HK3: variants seen among roughly 807,000 people sequenced by gnomAD.
The protein encoded by HK3 is hexokinase 3, also known as hexokinase-3.
In HK3, 93 loss-of-function variants were observed where a neutral mutation model predicts 91.0. That is an observed-to-expected ratio of 1.02 (90% CI 0.86 to 1.21). The LOEUF (loss-of-function observed/expected upper bound fraction) is 1.21. Among genes scored for constraint, HK3 ranks in the 50% most tolerant of loss-of-function variants. HK3 has a pLI of 0.00. For synonymous variants in HK3, 519 were observed against 516.9 expected (o/e 1.00, Z -0.06); for missense variants, 1,235 against 1,247.4 (o/e 0.99, Z 0.15).
intron 2 of HK3, among the ~76,000 whole-genome samples, chr5:176,894,862 T>C (rs1469993973): frequency 1.3e-5 from 2 of 151,024 alleles, no homozygotes; most frequent in South Asian, 4.3e-4. Flanking sequence ...CTGCAAGCTC[T>C]GCCTCCCGGG....
At position 176,884,709 on chromosome 5, in the gene HK3, G is replaced by A. The variant is rs935055520; in HGVS notation, c.1858-575C>T. Among the ~76,000 whole-genome samples the A allele has an allele frequency of 9.9e-5, 15 of 152,208 alleles. No individual in the cohort carries two copies. The highest frequency in any genetic ancestry group is 2.1e-4 in the South Asian group (1 of 4,822). On this transcript the variant is annotated intron_variant, in intron 13 of 18. Coordinates refer to ENST00000292432, the MANE Select transcript of HK3 (RefSeq NM_002115.3). The surrounding 1 kb of genome is among the most constrained non-coding windows in gnomAD (Gnocchi z 4.1). ...CTGAGTGCCCAGATTGTGAGAAAAGGGACTTAAACTTAGTGACACGGGGCT... is the reference window on the plus strand; with the variant it reads ...CTGAGTGCCCAGATTGTGAGAAAAGAGACTTAAACTTAGTGACACGGGGCT...
rs1462671749 is a variant in HK3 at position 176,891,204 on chromosome 5, C to A, written c.260-13G>T. 6 of 1,613,980 alleles carry A rather than the reference C, an allele frequency of 3.7e-6. No individual in the cohort carries two copies. Among genetic ancestry groups the A allele is most frequent in the Middle Eastern group, 1.6e-4 (1 of 6,084 alleles). On this transcript the variant is annotated splice_polypyrimidine_tract_variant and intron_variant, in intron 3 of 18. Transcript: ENST00000292432. The stretch of plus-strand genomic sequence containing the variant: ...AAGTCTCCTTGCTCTGGAGGGCAAG[C>A]AGGTCACAGAAAGCCATGCAGCTGG...
At chr5:176,881,883 ACCAGCCACCATCC>A (rs1006906528) in intron 16 of HK3, 36 bp from the exon 17 acceptor site, 3 of 1,611,630 alleles carry the variant, frequency 1.9e-6, no homozygotes, top group Non-Finnish European at 2.5e-6. Flanking sequence ...AGAAGGCCCC[ACCAGCCACCATCC>A]CCAGCACCGG....
intron 1 of HK3, among the ~76,000 whole-genome samples, chr5:176,898,423 T>C (rs1758959371): frequency 1.3e-5 from 2 of 152,190 alleles, no homozygotes; most frequent in Non-Finnish European, 2.9e-5. Context: ...TGTTCTATGC[T>C]GCAGGTCTAT....
chr5:176,891,963 G>C (rs1581301834), intron 2 of HK3, among the ~76,000 whole-genome samples: 1 of 152,330 alleles, frequency 6.6e-6, no homozygotes, highest in East Asian at 1.9e-4. Context: ...AACTTCAAGT[G>C]TTTCCCTCTC....
intron 2 of HK3, among the ~76,000 whole-genome samples, chr5:176,895,758 C>A (rs1338163910): frequency 6.6e-6 from 1 of 152,138 alleles, no homozygotes; most frequent in Non-Finnish European, 1.5e-5. Context: ...GGGGCGGGAG[C>A]GGCACCTGTG....
intron 1 of HK3, 90 bp from the exon 2 acceptor site, chr5:176,896,275 G>C (rs1376390443): frequency 1.7e-6 from 1 of 591,948 alleles, no homozygotes; most frequent in Non-Finnish European, 2.9e-6. Context: ...CCTTCTGAAG[G>C]GGACCAGGAA....
chr5:176,883,896 G>T, intron 14 of HK3, 27 bp from the exon 15 acceptor site: 1 of 1,609,914 alleles, frequency 6.2e-7, no homozygotes, highest in South Asian at 1.1e-5. Flanking sequence ...GCTGCTAGTT[G>T]CTGGGCAACG....
intron 10 of HK3, 84 bp downstream of exon 10, chr5:176,888,248 A>C: frequency 1.7e-6 from 2 of 1,181,188 alleles, no homozygotes; most frequent in Non-Finnish European, 2.4e-6. Context: ...TGGCTTGCAC[A>C]TGTGATCCCA....
Position 176,887,432 on chromosome 5 carries a change from A to G in HK3, c.1600+19T>C, listed in dbSNP as rs1236110861. 6.2e-7 allele frequency: 1 copy of G among 1,612,490 alleles called. No homozygotes were observed. Among genetic ancestry groups the G allele is most frequent in the Non-Finnish European group, 8.5e-7 (1 of 1,179,140 alleles). ...CCAGGAGCCCATGTTTCGGTCCCACACTCAGGCCAGGTCCTTACCGCTGCC... is the reference window on the plus strand; with the variant it reads ...CCAGGAGCCCATGTTTCGGTCCCACGCTCAGGCCAGGTCCTTACCGCTGCC... On this transcript the variant is annotated intron_variant, in intron 11 of 18. Transcript: ENST00000292432. The surrounding 1 kb of genome is among the most constrained non-coding windows in gnomAD (Gnocchi z 4.9).
rs371574698 is a variant in HK3 at position 176,887,065 on chromosome 5, G to A, written c.1794C>T (p.Ser598=). The change falls in exon 13 of 19, where the codon AGC becomes AGT. Residue 598 remains serine (S), a synonymous_variant. Transcript: ENST00000292432. The surrounding 1 kb of genome is among the most constrained non-coding windows in gnomAD (Gnocchi z 4.9). ...IVDFQQKQGL[S]GQSLPLGFTF... is the part of the protein sequence containing the mutation. ...TAAAACCCAGTGGGAGGCTCTGCCC[G>A]CTCAGGCCCTGCTTCTGCTGGAAGT... 43 of 1,614,062 alleles carry A rather than the reference G, an allele frequency of 2.7e-5. No individual in the cohort carries two copies. The highest frequency in any genetic ancestry group is 1.0e-4 in the Admixed American group (6 of 60,014).
chr5:176,890,417 T>C (rs1000118772), intron 6 of HK3, among the ~76,000 whole-genome samples: 1 of 152,236 alleles, frequency 6.6e-6, no homozygotes, highest in Non-Finnish European at 1.5e-5. Context: ...AGGTCCTGAA[T>C]GTTTATTTGA....
chr5:176,881,549 A>G lies in HK3; in HGVS notation c.2394-14T>C, dbSNP rs776145475. ...GCCAGGCTGTCACTGGGGGCCAGGAAGGAAGAGAGCACAGGGAGGTGGGTC... is the reference window on the plus strand; with the variant it reads ...GCCAGGCTGTCACTGGGGGCCAGGAGGGAAGAGAGCACAGGGAGGTGGGTC... On this transcript the variant is annotated splice_polypyrimidine_tract_variant and intron_variant, in intron 17 of 18. Transcript: ENST00000292432. The G allele has an allele frequency of 3.3e-5, 52 of 1,598,254 alleles. No homozygotes were observed. In the Middle Eastern group the frequency reaches 5.0e-4, roughly 15 times the overall value.
At chr5:176,891,840 C>G (rs1449166814) in intron 2 of HK3, among the ~76,000 whole-genome samples, 1 of 152,354 alleles carries the variant, frequency 6.6e-6, no homozygotes, top group African/African-American at 2.4e-5. Context: ...TTTGGCAAGA[C>G]CTTCTTCCTG....
chr5:176,885,786 C>A (rs1758570808), intron 13 of HK3, among the ~76,000 whole-genome samples: 1 of 151,860 alleles, frequency 6.6e-6, no homozygotes, highest in African/African-American at 2.4e-5. Flanking sequence ...CCCACCCCGC[C>A]CCCCGATTTG....
chr5:176,894,428 G>A (rs986116986), intron 2 of HK3, among the ~76,000 whole-genome samples: 1 of 152,222 alleles, frequency 6.6e-6, no homozygotes, highest in African/African-American at 2.4e-5. Context: ...GGAGCCAGCA[G>A]GGCAGATGTG....
chr5:176,896,384 C>T (rs1047685340), intron 1 of HK3, among the ~76,000 whole-genome samples, 199 bp from the exon 2 acceptor site: 4 of 152,200 alleles, frequency 2.6e-5, no homozygotes, highest in African/African-American at 9.7e-5. Flanking sequence ...AATGAGAGAG[C>T]ACTGGAAAGG....
chr5:176,883,653 G>A, intron 15 of HK3, 117 bp downstream of exon 15: 3 of 782,982 alleles, frequency 3.8e-6, no homozygotes, highest in Non-Finnish European at 6.4e-6. Flanking sequence ...AGCCCTACTG[G>A]GTCAGACCAG....
rs1024564206 is a variant in HK3, at chr5:176,883,759, G to A, written c.2053+11C>T. On this transcript the variant is annotated intron_variant, in intron 15 of 18. Transcript: ENST00000292432. ...AGCAGTAGGGGCATGAAAGGGCAGG[G>A]CCCTCCTCACCGACAATGAGGCCTA... is the stretch of plus-strand genomic sequence containing the variant. 8 of 1,602,662 alleles carry A rather than the reference G, an allele frequency of 5.0e-6. No individual in the cohort carries two copies. Among genetic ancestry groups the A allele is most frequent in the Admixed American group, 3.3e-5 (2 of 59,958 alleles).
Sources: gnomAD v4.1 joint callset for allele counts (sites outside exome capture counted in the v4.1 genomes callset) on GRCh38, gnomAD v4.1.1 for gene constraint, Gnocchi (gnomAD v3.1) non-coding constraint, MANE v1.5 for transcripts, NCBI Gene and HGNC (gene_info 2026-07-23, HGNC 2026-07-21) for gene names.